Variants in COL5A2 observed in about 807,000 individuals in gnomAD.
COL5A2 encodes collagen alpha-2(V) chain.
Under a neutral mutation model 208.2 loss-of-function variants are expected in COL5A2, and 23 were observed. The ratio of observed to expected loss-of-function variants is 0.11; its 90% CI spans 0.08 to 0.16. COL5A2 has a LOEUF of 0.16. COL5A2 is among the 10% of genes least tolerant of loss of function. COL5A2 has a pLI of 1.00. For synonymous variants in COL5A2, 625 were observed against 628.5 expected (o/e 0.99, Z 0.08); for missense variants, 1,590 against 1,956.4 (o/e 0.81, Z 3.53).
At chr2:189,279,566 T>G in the COL5A2 span, among the ~76,000 whole-genome samples, 3 of 151,368 alleles carry the variant, frequency 2.0e-5, no homozygotes, top group South Asian at 6.2e-4. Flanking sequence ...CCACAAACAC[T>G]TTCAGACCAG....
chr2:189,326,493 A>G, the COL5A2 span, among the ~76,000 whole-genome samples: 1 of 152,182 alleles, frequency 6.6e-6, no homozygotes, highest in East Asian at 1.9e-4. Context: ...CCTGGGCAAC[A>G]TAGTGAGACC....
intron 1 of COL5A2, among the ~76,000 whole-genome samples, chr2:189,137,029 G>C (rs1373698019): frequency 6.6e-6 from 1 of 152,038 alleles, no homozygotes; most frequent in African/African-American, 2.4e-5. Flanking sequence ...CATCTCTTTA[G>C]TGTAGTAGAA....
At chr2:189,234,862 C>T in the COL5A2 span, among the ~76,000 whole-genome samples, 1 of 151,450 alleles carries the variant, frequency 6.6e-6, no homozygotes, top group Non-Finnish European at 1.5e-5. Flanking sequence ...ATAGTGTAAA[C>T]CACATTTATA....
chr2:189,059,006 C>T (rs760121510), intron 31 of COL5A2, 113 bp from the exon 32 acceptor site: 177 of 729,618 alleles, frequency 2.4e-4, no homozygotes, highest in Non-Finnish European at 3.7e-4. Flanking sequence ...TAGAAGGCTG[C>T]ATAAGCCAAC....
chr2:189,049,724 G>A (rs1313761213), intron 43 of COL5A2, among the ~76,000 whole-genome samples: 1 of 152,128 alleles, frequency 6.6e-6, no homozygotes, highest in Non-Finnish European at 1.5e-5. Context: ...GTGTACCATA[G>A]GTGATTCTAG....
intron 7 of COL5A2, 88 bp downstream of exon 7, chr2:189,092,222 C>G: frequency 1.1e-6 from 1 of 873,558 alleles, no homozygotes; most frequent in Non-Finnish European, 1.9e-6. Context: ...GTGTCAATAT[C>G]TGAACAGACA....
chr2:189,187,046 A>G (rs1688861990), intron 1 of COL5A2, among the ~76,000 whole-genome samples: 1 of 152,200 alleles, frequency 6.6e-6, no homozygotes, highest in South Asian at 2.1e-4. Flanking sequence ...TAAGGCATCA[A>G]TCGTTACATT....
chr2:189,185,764 C>G (rs904633084), intron 1 of COL5A2, among the ~76,000 whole-genome samples: 9 of 152,152 alleles, frequency 5.9e-5, no homozygotes, highest in African/African-American at 2.2e-4. Context: ...TGCTTGATAG[C>G]TATTTCCTGA....
At chr2:189,119,743 C>T (rs1687463935) in intron 1 of COL5A2, among the ~76,000 whole-genome samples, 1 of 151,980 alleles carries the variant, frequency 6.6e-6, no homozygotes, top group Non-Finnish European at 1.5e-5. Context: ...CTACAGAATA[C>T]TTATTTCTTG....
rs561709950 is a variant in COL5A2 at position 189,212,511 on chromosome 2, C to T, written c.-42+12637G>A. 1.5e-4 allele frequency among the ~76,000 whole-genome samples: 23 copies of T among 151,702 alleles called. No individual in the cohort carries two copies. The East Asian group carries it at 2.5e-3, about 17-fold the overall frequency. The stretch of plus-strand genomic sequence containing the variant: ...AAAATTAGCTGGGCGTGGTGGTGGG[C>T]GCCTGTAATCCCAGCTACTCAGGAG... On this transcript the variant is annotated intron_variant, in intron 1 of 10. Transcript: ENST00000649966.
rs1383689092 is a variant in COL5A2 at position 189,079,074 on chromosome 2, T to A, written c.994A>T (p.Met332Leu). 1 of 1,612,750 alleles carries A rather than the reference T, an allele frequency of 6.2e-7. No homozygotes were observed. The highest frequency in any genetic ancestry group is 1.3e-5 in the African/African-American group (1 of 74,842). The change falls in exon 15 of 54, where the codon ATG becomes TTG. Residue 332 changes from methionine to leucine, a missense_variant. By Grantham distance (15) the Met-to-Leu change is conservative (BLOSUM62 2). Coordinates refer to ENST00000374866, the MANE Select transcript of COL5A2 (RefSeq NM_000393.5). ...EAGPTGPMGA[M>L]GPLGPRGMPG... ...AAACGAGCACATACCAGAGGACCCA[T>A]GGCACCCATTGGACCAGTGGGGCCA...
At chr2:189,400,072 C>A in the COL5A2 span, among the ~76,000 whole-genome samples, 1 of 152,036 alleles carries the variant, frequency 6.6e-6, no homozygotes, top group Admixed American at 6.5e-5. Context: ...TTTATTTGAT[C>A]TAATTTTATG....
chr2:189,051,198 T>G, intron 42 of COL5A2, 122 bp downstream of exon 42: 2 of 1,252,184 alleles, frequency 1.6e-6, no homozygotes, highest in Admixed American at 4.0e-5. Flanking sequence ...TTAATGCACT[T>G]TAAAAATTTT....
the COL5A2 span, among the ~76,000 whole-genome samples, chr2:189,286,967 T>C: frequency 4.6e-5 from 7 of 151,918 alleles, no homozygotes; most frequent in African/African-American, 1.4e-4. Flanking sequence ...ACATCTACTT[T>C]GTGGATGTTA....
the COL5A2 span, among the ~76,000 whole-genome samples, chr2:189,405,533 T>C: frequency 6.6e-6 from 1 of 152,206 alleles, no homozygotes; most frequent in African/African-American, 2.4e-5. Context: ...CCTGGCCTAA[T>C]TAAATTACCT....
At chr2:189,344,725 C>T in the COL5A2 span, among the ~76,000 whole-genome samples, 48 of 152,098 alleles carry the variant, frequency 3.2e-4, no homozygotes, top group Middle Eastern at 3.4e-3. Flanking sequence ...CCTATCCAGA[C>T]GCAGATGTCA....
rs1009967475 is a variant in COL5A2, at chr2:189,052,082, A to G, written c.2769+90T>C. The G allele has an allele frequency of 8.3e-6, 9 of 1,081,574 alleles. No homozygotes were observed. In the African/African-American group the frequency reaches 1.5e-4, roughly 17 times the overall value. 67.0% of individuals were successfully genotyped at this position (1,081,574 alleles called of 1,614,324 possible). A position where few individuals can be genotyped will look rare whatever the true frequency, so the allele number is the denominator to read the frequency against. On this transcript the variant is annotated intron_variant, in intron 41 of 53. Transcript: ENST00000374866. ...TAAATAAGAAAACATACCATTAAGAAATTAAATAAAATAATAAATTTAACT... is the reference window on the plus strand; with the variant it reads ...TAAATAAGAAAACATACCATTAAGAGATTAAATAAAATAATAAATTTAACT...
the COL5A2 span, among the ~76,000 whole-genome samples, chr2:189,409,104 G>A: frequency 2.7e-5 from 4 of 148,330 alleles, no homozygotes; most frequent in Non-Finnish European, 6.0e-5. Context: ...GTAGGTTTTT[G>A]TTTCAACAGA....
the COL5A2 span, among the ~76,000 whole-genome samples, chr2:189,301,380 T>C: frequency 1.3e-5 from 2 of 152,240 alleles, no homozygotes; most frequent in African/African-American, 4.8e-5. Flanking sequence ...ATGTATTATC[T>C]GCTAAATCAG....
Sources: allele counts gnomAD v4.1 joint callset (sites outside exome capture counted in the v4.1 genomes callset), GRCh38; gene constraint gnomAD v4.1.1; transcripts MANE v1.5; gene names NCBI Gene and HGNC (gene_info 2026-07-23, HGNC 2026-07-21).